The following PAX1 variants were observed in gnomAD, a reference collection of about 807,000 sequenced individuals.
PAX1 encodes paired box 1, also known as paired box protein Pax-1.
In PAX1, 18 loss-of-function variants were observed where a neutral mutation model predicts 35.6. The observed-to-expected ratio is 0.50, with a 90% CI of 0.35 to 0.75. The LOEUF is 0.75. Ranked by LOEUF, PAX1 falls within the 30% of genes least tolerant of loss-of-function variation. The pLI is 0.01. For synonymous variants in PAX1, 397 were observed against 305.2 expected (o/e 1.30, Z -3.14); for missense variants, 760 against 661.5 (o/e 1.15, Z -1.63).
At chr20:21,714,436 G>A (rs1985295918) in intron 4 of PAX1, 35 bp from the exon 5 acceptor site, 1 of 1,492,048 alleles carries the variant, frequency 6.7e-7, no homozygotes. Context: ...GCGGCGCTAG[G>A]TAGTGATCCG....
chr20:21,711,619 A>C (rs1268905224), intron 4 of PAX1, among the ~76,000 whole-genome samples: 1 of 152,214 alleles, frequency 6.6e-6, no homozygotes, highest in Non-Finnish European at 1.5e-5. Flanking sequence ...CAACTTCTTT[A>C]AAGGTTCTAA....
chr20:21,713,104 G>A (rs1303800466), intron 4 of PAX1, among the ~76,000 whole-genome samples: 4 of 152,150 alleles, frequency 2.6e-5, no homozygotes, highest in Non-Finnish European at 5.9e-5. Context: ...CTTCCTGGGT[G>A]TTTATTTTTC....
rs779719587 is a variant in PAX1, at chr20:21,716,327, G to T, written c.*1765G>T. ...TGATGGAAGAGATTTTTGAATTGAA[G>T]TTGCTGTTTGTGAGTGGAGCTGCCT... On this transcript the variant is annotated 3_prime_UTR_variant, in exon 5 of 5. Coordinates refer to ENST00000613128, the MANE Select transcript of PAX1 (RefSeq NM_001257096.2). 6.6e-6 allele frequency: 1 copy of T among 152,106 alleles called. No homozygotes were observed. The highest frequency in any genetic ancestry group is 1.5e-5 in the Non-Finnish European group (1 of 68,034). 9.4% of individuals were successfully genotyped at this position (152,106 alleles called of 1,614,324 possible). A position where few individuals can be genotyped will look rare whatever the true frequency, so the allele number is the denominator to read the frequency against.
At position 21,705,947 on chromosome 20, in the gene PAX1, G is replaced by T; in HGVS notation, c.235G>T (p.Gly79Cys). Residue 79 changes from glycine (G) to cysteine (C), a missense_variant, in exon 1 of 5, where the codon GGC becomes TGC. Transcript: ENST00000613128. Reference sequence around the variant, plus strand: ...CCCGGACTGCGCCGGGCCCAGCCCCGGCCACCCCGGCCACCCCGGCGCCAG... The same window carrying T: ...CCCGGACTGCGCCGGGCCCAGCCCCTGCCACCCCGGCCACCCCGGCGCCAG... ...ALPDCAGPSP[G>C]HPGHPGARQL... The T allele has an allele frequency of 6.8e-7, 1 of 1,481,108 alleles. No homozygotes were observed. The allele number at this position is 1,481,108 out of a possible 1,614,324, so 91.7% of individuals were successfully genotyped here.
chr20:21,709,983 G>A (rs1023695103), intron 4 of PAX1, among the ~76,000 whole-genome samples: 2 of 149,332 alleles, frequency 1.3e-5, no homozygotes, highest in East Asian at 4.0e-4. Flanking sequence ...AAGGCGTTTG[G>A]ATTCTTTTTC....
chr20:21,710,628 C>A (rs1158960290), intron 4 of PAX1, among the ~76,000 whole-genome samples: 1 of 150,488 alleles, frequency 6.6e-6, no homozygotes, highest in Non-Finnish European at 1.5e-5. Context: ...CTTGGTGCTG[C>A]CCAGGCAAAA....
At chr20:21,711,240 G>A (rs1028473067) in intron 4 of PAX1, among the ~76,000 whole-genome samples, 7 of 152,250 alleles carry the variant, frequency 4.6e-5, no homozygotes, top group African/African-American at 1.7e-4. Context: ...AGTCTTCAGA[G>A]GAATGCATTT....
Position 21,714,887 on chromosome 20 carries a change from TGTCCGTCTCC to T in PAX1, c.*329_*338del. On this transcript the variant is annotated 3_prime_UTR_variant, in exon 5 of 5. Transcript: ENST00000613128. ...TCAAATTTCTTTTTTGTCACTCCCT[TGTCCGTCTCC>T]GTCTCGCCTCTCTCCCTGTTTCCTT... 1 of 1,086,620 alleles carries T rather than the reference TGTCCGTCTCC, an allele frequency of 9.2e-7. No homozygotes were observed. The highest frequency in any genetic ancestry group is 1.9e-5 in the Admixed American group (1 of 52,988). 67.3% of individuals were successfully genotyped at this position (1,086,620 alleles called of 1,614,324 possible). A position where few individuals can be genotyped will look rare whatever the true frequency, so the allele number is the denominator to read the frequency against.
At position 21,709,371 on chromosome 20, in the gene PAX1, C is replaced by T. The variant is rs1308355999; in HGVS notation, c.1209C>T (p.Pro403=). 1.3e-6 allele frequency: 2 copies of T among 1,571,536 alleles called. No individual in the cohort carries two copies. Among genetic ancestry groups the T allele is most frequent in the East Asian group, 2.3e-5 (1 of 43,688 alleles). Residue 403 remains proline (P), a synonymous_variant, in exon 4 of 5, where the codon CCC becomes CCT. Transcript: ENST00000613128. ...WPPAQGPPLA[P]PGAGVAVHGG... ...CTGCGCAAGGTCCTCCTCTGGCGCCCCCCGGGGCCGGCGTAGCTGTGCATG... is the reference window on the plus strand; with the variant it reads ...CTGCGCAAGGTCCTCCTCTGGCGCCTCCCGGGGCCGGCGTAGCTGTGCATG...
rs747913732 is a variant in PAX1 at position 21,706,979 on chromosome 20, G to T, written c.828G>T (p.Thr276=). The change falls in exon 2 of 5, where the codon ACG becomes ACT. Residue 276 remains threonine, a synonymous_variant. Transcript: ENST00000613128. This position sits in a 1 kb window ranked among gnomAD's most constrained non-coding sequence, Gnocchi z 5.3. The stretch of plus-strand genomic sequence containing the variant: ...GCAGCCACCCCGGGGTCCCGGGCAC[G>T]GCGGGCCACGTCAGCATCCCGCGCT... ...KMGSHPGVPG[T]AGHVSIPRSW... is the part of the protein sequence containing the mutation. 3.7e-6 allele frequency: 6 copies of T among 1,612,784 alleles called. No homozygotes were observed. Among genetic ancestry groups the T allele is most frequent in the African/African-American group, 1.3e-5 (1 of 75,076 alleles).
chr20:21,715,556 T>A lies in PAX1; in HGVS notation c.*994T>A, dbSNP rs1030696661. 2 of 152,094 alleles carry A rather than the reference T, an allele frequency of 1.3e-5. No individual in the cohort carries two copies. The highest frequency in any genetic ancestry group is 4.8e-5 in the African/African-American group (2 of 41,312). The allele number at this position is 152,094 out of a possible 1,614,324, so 9.4% of individuals were successfully genotyped here. A position where few individuals can be genotyped will look rare whatever the true frequency, so the allele number is the denominator to read the frequency against. On this transcript the variant is annotated 3_prime_UTR_variant, in exon 5 of 5. Coordinates refer to ENST00000613128, the MANE Select transcript of PAX1 (RefSeq NM_001257096.2). Reference sequence around the variant, plus strand: ...GTAGGGAGCACAGGGGTTGTTGGTGTTTTCAGTGCTTAGAAAACTGGGTTG... The same window carrying A: ...GTAGGGAGCACAGGGGTTGTTGGTGATTTCAGTGCTTAGAAAACTGGGTTG...
Position 21,707,015 on chromosome 20 carries a change from G to T in PAX1, c.864G>T (p.Ser288=), listed in dbSNP as rs369589274. Residue 288 remains serine (S), a synonymous_variant, in exon 2 of 5, where the codon TCG becomes TCT. Coordinates refer to ENST00000613128, the MANE Select transcript of PAX1 (RefSeq NM_001257096.2). ...TCAGCATCCCGCGCTCATGGCCCTC[G>T]GCACACTCGGTCAGCAACATCCTGG... is the stretch of plus-strand genomic sequence containing the variant. The part of the protein sequence containing the change: ...GHVSIPRSWP[S]AHSVSNILGI... 5 of 1,612,972 alleles carry T rather than the reference G, an allele frequency of 3.1e-6. No individual in the cohort carries two copies. The highest frequency in any genetic ancestry group is 4.2e-6 in the Non-Finnish European group (5 of 1,180,028).
chr20:21,708,510 C>T, intron 2 of PAX1, 48 bp from the exon 3 acceptor site: 1 of 1,610,292 alleles, frequency 6.2e-7, no homozygotes, highest in Non-Finnish European at 8.5e-7. Flanking sequence ...CACGTGTGCC[C>T]AGGGCAGATT....
intron 4 of PAX1, 50 bp from the exon 5 acceptor site, chr20:21,714,421 A>G (rs1485536089): frequency 1.4e-6 from 2 of 1,400,080 alleles, no homozygotes; most frequent in Non-Finnish European, 9.7e-7. Flanking sequence ...TGCCTCTCGC[A>G]CTGCGCGGCG....
rs1284322590 is a variant in PAX1 at position 21,716,620 on chromosome 20, T to C, written c.*2058T>C. 6.6e-6 allele frequency: 1 copy of C among 152,018 alleles called. No individual in the cohort carries two copies. Among genetic ancestry groups the C allele is most frequent in the African/African-American group, 2.4e-5 (1 of 41,356 alleles). 9.4% of individuals were successfully genotyped at this position (152,018 alleles called of 1,614,324 possible). Reference sequence around the variant, plus strand: ...AAGGTATGAATTAGAGGGCTTGTGCTTGGAAACTGGGTGACACTATCTCAT... The same window carrying C: ...AAGGTATGAATTAGAGGGCTTGTGCCTGGAAACTGGGTGACACTATCTCAT... On this transcript the variant is annotated 3_prime_UTR_variant, in exon 5 of 5. Transcript: ENST00000613128.
In PAX1 at chr20:21,716,383, GACTAGTGGTAA is replaced by G. The variant is rs1985372524; in HGVS notation, c.*1824_*1834del. The G allele has an allele frequency of 6.6e-6, 1 of 152,084 alleles. No individual in the cohort carries two copies. The highest frequency in any genetic ancestry group is 2.1e-4 in the South Asian group (1 of 4,822). The allele number at this position is 152,084 out of a possible 1,614,324, so 9.4% of individuals were successfully genotyped here. On this transcript the variant is annotated 3_prime_UTR_variant, in exon 5 of 5. Transcript: ENST00000613128. ...GTGTGTGCACTGGTCCCACCTAGGG[GACTAGTGGTAA>G]ACAGTTTTTGTTTCAACTCTTTTTG... is the stretch of plus-strand genomic sequence containing the variant.
At position 21,715,971 on chromosome 20, in the gene PAX1, G is replaced by C. The variant is rs770710347; in HGVS notation, c.*1409G>C. 3 of 152,280 alleles carry C rather than the reference G, an allele frequency of 2.0e-5. No homozygotes were observed. The East Asian group carries it at 5.8e-4, about 29-fold the overall frequency. The allele number at this position is 152,280 out of a possible 1,614,324, so 9.4% of individuals were successfully genotyped here. On this transcript the variant is annotated 3_prime_UTR_variant, in exon 5 of 5. Coordinates refer to ENST00000613128, the MANE Select transcript of PAX1 (RefSeq NM_001257096.2). Reference sequence around the variant, plus strand: ...TGGCTGCCTCTGAATAAAGGAAAGCGTCTGAAAGGTGTGTGGTGAGGTGAG... The same window carrying C: ...TGGCTGCCTCTGAATAAAGGAAAGCCTCTGAAAGGTGTGTGGTGAGGTGAG...
intron 2 of PAX1, 98 bp downstream of exon 2, chr20:21,707,165 C>G: frequency 6.7e-7 from 1 of 1,486,104 alleles, no homozygotes; most frequent in Non-Finnish European, 9.2e-7. Flanking sequence ...CTCCCGGGAC[C>G]GGTTCTGGCT....
chr20:21,711,740 A>G (rs1394815847), intron 4 of PAX1, among the ~76,000 whole-genome samples: 2 of 152,208 alleles, frequency 1.3e-5, no homozygotes, highest in Non-Finnish European at 2.9e-5. Flanking sequence ...TTATCTATCT[A>G]TATTCATAGC....
Sources: allele counts gnomAD v4.1 joint callset (sites outside exome capture counted in the v4.1 genomes callset), GRCh38; gene constraint gnomAD v4.1.1; non-coding constraint Gnocchi (gnomAD v3.1); transcripts MANE v1.5; gene names NCBI Gene and HGNC (gene_info 2026-07-23, HGNC 2026-07-21).